MGAT4C: variants seen among roughly 807,000 people sequenced by gnomAD.
MGAT4C encodes the protein MGAT4 family member C.
In MGAT4C, 19 loss-of-function variants were observed where a neutral mutation model predicts 40.1. The observed-to-expected ratio is 0.47, with a 90% confidence interval of 0.33 to 0.70. The LOEUF (loss-of-function observed/expected upper bound fraction) is 0.70. Ranked by LOEUF, MGAT4C falls within the 30% of genes least tolerant of loss-of-function variation. The pLI is 0.02. For missense variants in MGAT4C, 491 were observed against 563.2 expected, an observed-to-expected ratio of 0.87 and a Z score of 1.30; for synonymous variants, 181 against 187.1, an observed-to-expected ratio of 0.97 and a Z score of 0.27.
intron 2 of MGAT4C, among the ~76,000 whole-genome samples, chr12:86,023,725 C>T (rs1314943161): frequency 6.6e-6 from 1 of 151,218 alleles, no homozygotes; most frequent in Non-Finnish European, 1.5e-5. Flanking sequence ...CAGTAACTAG[C>T]TTTTTTTCCA....
intron 1 of MGAT4C, among the ~76,000 whole-genome samples, chr12:86,145,453 G>A (rs1883392538): frequency 1.3e-5 from 2 of 152,116 alleles, no homozygotes; most frequent in Admixed American, 6.5e-5. Flanking sequence ...ACAATTAGAC[G>A]TTAATTACCA....
chr12:86,574,003 G>C (rs1593001191), intron 2 of MGAT4C, among the ~76,000 whole-genome samples: 2 of 151,576 alleles, frequency 1.3e-5, no homozygotes, highest in Non-Finnish European at 3.0e-5. Flanking sequence ...TCTTACACAA[G>C]GTACGTTGAA....
At chr12:86,703,107 T>C (rs971839685) in intron 2 of MGAT4C, among the ~76,000 whole-genome samples, 1 of 152,134 alleles carries the variant, frequency 6.6e-6, no homozygotes. Flanking sequence ...AGCTAGAAGA[T>C]TTGACTGAAT....
At chr12:86,789,333 C>G (rs763068029) in intron 1 of MGAT4C, among the ~76,000 whole-genome samples, 1 of 152,042 alleles carries the variant, frequency 6.6e-6, no homozygotes, top group Non-Finnish European at 1.5e-5. Flanking sequence ...CACACAAGAA[C>G]AGCAAACCCG....
At chr12:86,443,528 C>T (rs547918137) in intron 2 of MGAT4C, among the ~76,000 whole-genome samples, 1 of 152,268 alleles carries the variant, frequency 6.6e-6, no homozygotes, top group East Asian at 1.9e-4. Flanking sequence ...ACAATAGCCC[C>T]TGTGTAGGAG....
intron 1 of MGAT4C, among the ~76,000 whole-genome samples, chr12:86,083,437 T>G (rs554977211): frequency 6.6e-6 from 1 of 152,096 alleles, no homozygotes; most frequent in Non-Finnish European, 1.5e-5. Context: ...TTTATAGTAC[T>G]GTCCGCAGGG....
chr12:86,291,615 T>C (rs750393852), intron 4 of MGAT4C, among the ~76,000 whole-genome samples: 1 of 152,202 alleles, frequency 6.6e-6, no homozygotes, highest in African/African-American at 2.4e-5. Context: ...TATTAGTGTA[T>C]CTGTATCTGT....
intron 3 of MGAT4C, among the ~76,000 whole-genome samples, chr12:86,353,354 T>C (rs1263197201): frequency 3.3e-5 from 5 of 152,094 alleles, no homozygotes; most frequent in African/African-American, 1.2e-4. Context: ...GAAAAATAAA[T>C]AATAACAAGT....
At chr12:86,137,222 G>C (rs1566035383) in intron 1 of MGAT4C, among the ~76,000 whole-genome samples, 2 of 152,022 alleles carry the variant, frequency 1.3e-5, no homozygotes, top group Non-Finnish European at 2.9e-5. Context: ...AGCCATTCTT[G>C]ACTACTTTTT....
intron 2 of MGAT4C, among the ~76,000 whole-genome samples, chr12:86,646,873 A>G (rs906164648): frequency 3.3e-5 from 5 of 151,942 alleles, no homozygotes; most frequent in African/African-American, 1.2e-4. Context: ...ATGTTTTGAT[A>G]CATGTATGTA....
At chr12:86,425,822 G>C (rs1592831745) in intron 3 of MGAT4C, among the ~76,000 whole-genome samples, 2 of 151,782 alleles carry the variant, frequency 1.3e-5, no homozygotes, top group Non-Finnish European at 2.9e-5. Context: ...ATGAATGAAT[G>C]GGTATTAATT....
In MGAT4C at chr12:86,137,215, C is replaced by T. The variant is rs1032151410; in HGVS notation, c.-56-87492G>A. On this transcript the variant is annotated intron_variant, in intron 1 of 4. Coordinates refer to ENST00000611864, the MANE Select transcript of MGAT4C (RefSeq NM_001351288.2). ...GTAACCACATATAGAAACCTACAGC[C>T]ATTCTTGACTACTTTTTCCTCATGG... 2.6e-5 allele frequency among the ~76,000 whole-genome samples: 4 copies of T among 152,110 alleles called. No individual in the cohort carries two copies. The South Asian group carries it at 8.3e-4, about 31-fold the overall frequency.
intron 1 of MGAT4C, among the ~76,000 whole-genome samples, chr12:86,231,083 A>T (rs1951302726): frequency 6.6e-6 from 1 of 152,154 alleles, no homozygotes; most frequent in East Asian, 1.9e-4. Context: ...GAGTTTTAAT[A>T]TCATCGATGG....
chr12:86,765,951 T>C (rs904245664), intron 1 of MGAT4C, among the ~76,000 whole-genome samples: 3 of 152,192 alleles, frequency 2.0e-5, no homozygotes, highest in Admixed American at 6.5e-5. Flanking sequence ...AGGAAGAAAC[T>C]GCATCAACTA....
At position 86,012,781 on chromosome 12, in the gene MGAT4C, C is replaced by CAACAACAACAACA. The variant is rs763608266; in HGVS notation, c.-6-23230_-6-23229insTGTTGTTGTTGTT. On this transcript the variant is annotated intron_variant, in intron 2 of 4. Transcript: ENST00000611864. Reference sequence around the variant, plus strand: ...CAACAACAACAACAACAACAACAACCACCACCACCACCACCACCACCACCA... The same window carrying CAACAACAACAACA: ...CAACAACAACAACAACAACAACAACCAACAACAACAACAACCACCACCACCACCACCACCACCA... 3.2e-3 allele frequency among the ~76,000 whole-genome samples: 310 copies of CAACAACAACAACA among 98,300 alleles called. 1 individual carries two copies. Among genetic ancestry groups the CAACAACAACAACA allele is most frequent in the African/African-American group, 6.5e-3 (171 of 26,382 alleles). 64.5% of individuals were successfully genotyped at this position (98,300 alleles called of 152,430 possible). A position where few individuals can be genotyped will look rare whatever the true frequency, so the allele number is the denominator to read the frequency against.
At chr12:86,381,823 T>A (rs1955935076) in intron 3 of MGAT4C, among the ~76,000 whole-genome samples, 1 of 152,278 alleles carries the variant, frequency 6.6e-6, no homozygotes, top group Middle Eastern at 3.4e-3. Context: ...AGGTCTTTCC[T>A]GTGCTGTTCT....
chr12:86,127,066 A>T (rs1880400419), intron 1 of MGAT4C, among the ~76,000 whole-genome samples: 1 of 152,158 alleles, frequency 6.6e-6, no homozygotes, highest in Admixed American at 6.5e-5. Context: ...CAGGAGGTGG[A>T]GCAGTAATGC....
intron 1 of MGAT4C, among the ~76,000 whole-genome samples, chr12:86,202,014 A>T (rs994423905): frequency 1.6e-5 from 1 of 63,152 alleles, no homozygotes; most frequent in Non-Finnish European, 4.3e-5. Flanking sequence ...ATTTGAAAAA[A>T]AAGTTATTAC....
intron 1 of MGAT4C, among the ~76,000 whole-genome samples, chr12:86,101,084 C>T (rs1874951038): frequency 6.6e-6 from 1 of 151,446 alleles, no homozygotes; most frequent in Non-Finnish European, 1.5e-5. Flanking sequence ...CTTTTTCATT[C>T]TTTACTAAGG....
Sources: gnomAD v4.1 joint callset for allele counts (sites outside exome capture counted in the v4.1 genomes callset) on GRCh38, gnomAD v4.1.1 for gene constraint, MANE v1.5 for transcripts, NCBI Gene and HGNC (gene_info 2026-07-23, HGNC 2026-07-21) for gene names.